MAEL: variants seen among roughly 807,000 people sequenced by gnomAD.
The protein encoded by MAEL is maelstrom spermatogenic transposon silencer.
Under a neutral mutation model 62.0 loss-of-function variants are expected in MAEL, and 46 were observed. The ratio of observed to expected loss-of-function variants is 0.74; its 90% CI spans 0.59 to 0.95. The LOEUF is 0.95. MAEL is among the 40% of genes least tolerant of loss of function. The pLI is 0.00. For synonymous variants in MAEL, 172 were observed against 175.5 expected, an observed-to-expected ratio of 0.98 and a Z score of 0.16; for missense variants, 497 against 526.8, an observed-to-expected ratio of 0.94 and a Z score of 0.55.
chr1:167,022,039 T>C lies in MAEL; in HGVS notation c.*184T>C. 1 of 527,418 alleles carries C rather than the reference T, an allele frequency of 1.9e-6. No homozygotes were observed. The highest frequency in any genetic ancestry group is 3.3e-6 in the Non-Finnish European group (1 of 303,220). 32.7% of individuals were successfully genotyped at this position (527,418 alleles called of 1,614,324 possible). A position where few individuals can be genotyped will look rare whatever the true frequency, so the allele number is the denominator to read the frequency against. On this transcript the variant is annotated 3_prime_UTR_variant, in exon 12 of 12. Transcript: ENST00000367872. ...GAGAGCATCTTGGCATTTGTGCTTT[T>C]TTTCTTGAGGGATTGTTCTGCTTCC...
chr1:167,006,601 C>CTATATATATATATATA lies in MAEL; in HGVS notation c.845+1225_845+1240dup, dbSNP rs200881169. Among the ~76,000 whole-genome samples, 71 of 98,030 alleles carry CTATATATATATATATA rather than the reference C, an allele frequency of 7.2e-4. 1 individual carries two copies. The highest frequency in any genetic ancestry group is 1.1e-3 in the African/African-American group (32 of 28,816). The allele number at this position is 98,030 out of a possible 152,430, so 64.3% of individuals were successfully genotyped here. A position where few individuals can be genotyped will look rare whatever the true frequency, so the allele number is the denominator to read the frequency against. On this transcript the variant is annotated intron_variant, in intron 8 of 11. Transcript: ENST00000367872. Reference sequence around the variant, plus strand: ...CTATTGGAAAGTTACTGGTTTTTTACTATATATATATATATATATATATAT... The same window carrying CTATATATATATATATA: ...CTATTGGAAAGTTACTGGTTTTTTACTATATATATATATATATATATATATATATATATATATATAT...
chr1:167,008,758 T>G (rs1665037766), intron 8 of MAEL, among the ~76,000 whole-genome samples: 3 of 152,142 alleles, frequency 2.0e-5, no homozygotes, highest in Admixed American at 1.3e-4. Context: ...TGCAATATTT[T>G]CATTGCCATT....
chr1:167,005,435 T>G (rs1476752688), intron 8 of MAEL, 38 bp downstream of exon 8: 1 of 1,557,362 alleles, frequency 6.4e-7, no homozygotes. Context: ...CATTTTGACT[T>G]ATTTTCTAGA....
At chr1:167,003,004 T>C (rs902538064) in intron 5 of MAEL, among the ~76,000 whole-genome samples, 3 of 152,166 alleles carry the variant, frequency 2.0e-5, no homozygotes, top group African/African-American at 7.2e-5. Context: ...CGCATTTTTG[T>C]CTCTGCGGGT....
At chr1:166,990,482 C>T (rs887936219) in intron 2 of MAEL, 1 of 151,724 alleles carries the variant, frequency 6.6e-6, no homozygotes, top group African/African-American at 2.4e-5. Flanking sequence ...TGGGGAAACC[C>T]CAACTCTACT....
At chr1:167,021,592 C>A in intron 11 of MAEL, 76 bp from the exon 12 acceptor site, 1 of 990,608 alleles carries the variant, frequency 1.0e-6, no homozygotes, top group South Asian at 1.8e-5. Flanking sequence ...TAGGATGAGT[C>A]AGTTAATTGA....
At chr1:166,994,730 C>G (rs767732393) in intron 5 of MAEL, among the ~76,000 whole-genome samples, 1 of 129,576 alleles carries the variant, frequency 7.7e-6, no homozygotes, top group African/African-American at 3.1e-5. Context: ...AGTGGAGGGG[C>G]GTGATCTTGG....
chr1:166,990,621 T>A (rs1664131003), intron 2 of MAEL: 1 of 151,928 alleles, frequency 6.6e-6, no homozygotes, highest in South Asian at 2.1e-4. Context: ...ATTGCGCCAC[T>A]GCACTCCAGC....
chr1:166,980,198 T>A (rs566973006), intron 1 of MAEL, among the ~76,000 whole-genome samples: 2 of 146,092 alleles, frequency 1.4e-5, no homozygotes, highest in Admixed American at 6.9e-5. Flanking sequence ...TTAATTTGTA[T>A]TTTTTTTTTT....
chr1:166,983,693 A>G (rs777183971), intron 1 of MAEL, among the ~76,000 whole-genome samples: 6 of 152,182 alleles, frequency 3.9e-5, no homozygotes, highest in Non-Finnish European at 7.3e-5. Flanking sequence ...TAAGTAAAAT[A>G]GAAAAAAAAT....
chr1:167,021,640 C>A, intron 11 of MAEL, 28 bp from the exon 12 acceptor site: 1 of 1,494,672 alleles, frequency 6.7e-7, no homozygotes, highest in Non-Finnish European at 9.1e-7. Context: ...ATTGCTATAT[C>A]TCTTTTCTTG....
intron 8 of MAEL, among the ~76,000 whole-genome samples, chr1:167,005,786 A>G (rs920959151): frequency 6.6e-6 from 1 of 152,212 alleles, no homozygotes; most frequent in Non-Finnish European, 1.5e-5. Context: ...AAATAACACA[A>G]AGTTTACTAT....
chr1:166,981,738 G>A (rs1196464466), intron 1 of MAEL, among the ~76,000 whole-genome samples: 2 of 152,314 alleles, frequency 1.3e-5, no homozygotes, highest in East Asian at 3.9e-4. Flanking sequence ...AGGCAGAGGT[G>A]AGAATAGGAA....
At chr1:166,977,538 C>T (rs143922358) in intron 1 of MAEL, among the ~76,000 whole-genome samples, 3 of 151,494 alleles carry the variant, frequency 2.0e-5, no homozygotes, top group African/African-American at 4.9e-5. Flanking sequence ...ACAAAAAGAA[C>T]ATCTACACCA....
intron 8 of MAEL, chr1:167,012,357 T>C (rs1002167448): frequency 6.6e-6 from 1 of 152,214 alleles, no homozygotes; most frequent in Non-Finnish European, 1.5e-5. Context: ...AGAATATTTA[T>C]AATTTTTATA....
In MAEL at chr1:166,992,822, CCA is replaced by C. The variant is rs771868495; in HGVS notation, c.465_466del (p.His155GlnfsTer7). On this transcript the variant is annotated frameshift_variant, in exon 4 of 12. Transcript: ENST00000367872. LOFTEE classifies it high-confidence loss of function. The stretch of plus-strand genomic sequence containing the variant: ...TCCAAGAAGGTATTATGGCAGATTT[CCA>C]CAGTTTTATAAATCCTGGTAAGTAG... ...SLQEGIMADF[H>X]SFINPGEIPR... The C allele has an allele frequency of 6.3e-7, 1 of 1,598,402 alleles. No individual in the cohort carries two copies.
At chr1:166,998,562 C>A (rs1305532788) in intron 5 of MAEL, among the ~76,000 whole-genome samples, 1 of 152,152 alleles carries the variant, frequency 6.6e-6, no homozygotes, top group African/African-American at 2.4e-5. Flanking sequence ...TCTTAGTATG[C>A]TGACCAGTAC....
chr1:166,996,186 T>A (rs766076485), intron 5 of MAEL, among the ~76,000 whole-genome samples: 13 of 152,248 alleles, frequency 8.5e-5, no homozygotes, highest in Non-Finnish European at 1.5e-4. Flanking sequence ...TTGAGCTGAT[T>A]TGGAGGAGAC....
At chr1:167,002,402 A>G (rs1336826578) in intron 5 of MAEL, among the ~76,000 whole-genome samples, 1 of 152,168 alleles carries the variant, frequency 6.6e-6, no homozygotes, top group East Asian at 1.9e-4. Context: ...TAATCCTCTT[A>G]TCGGGATCTT....
Sources: gnomAD v4.1 joint callset for allele counts (sites outside exome capture counted in the v4.1 genomes callset) on GRCh38, gnomAD v4.1.1 for gene constraint, MANE v1.5 for transcripts, NCBI Gene and HGNC (gene_info 2026-07-23, HGNC 2026-07-21) for gene names.